The following GALNT17 variants were observed in gnomAD, a reference collection of about 807,000 sequenced individuals.
The protein encoded by GALNT17 is UDP-GalNAc:polypeptide N-acetylgalactosaminyltransferase-like 3.
A neutral mutation model predicts 63.7 loss-of-function variants in GALNT17; 29 were observed. The observed-to-expected ratio is 0.46, with a 90% CI of 0.34 to 0.62. GALNT17 has a LOEUF of 0.62. Among genes scored for constraint, GALNT17 ranks in the 20% least tolerant of loss-of-function variants. The pLI, the probability that GALNT17 is intolerant of heterozygous loss-of-function variation, is 0.01. For synonymous variants in GALNT17, 305 were observed against 318.3 expected (o/e 0.96, Z 0.45); for missense variants, 603 against 799.6 (o/e 0.75, Z 2.97).
chr7:71,520,954 T>A (rs1788520666), intron 5 of GALNT17, among the ~76,000 whole-genome samples: 1 of 152,256 alleles, frequency 6.6e-6, no homozygotes, highest in Middle Eastern at 3.4e-3. Context: ...TGTAGTAGAA[T>A]TTGATAAGGG....
chr7:71,321,035 G>T (rs919876744), intron 1 of GALNT17, among the ~76,000 whole-genome samples: 4 of 152,190 alleles, frequency 2.6e-5, no homozygotes, highest in African/African-American at 9.7e-5. Flanking sequence ...TAGTGGAGGA[G>T]AGAGAATTTT....
chr7:71,287,827 A>G (rs7789924), intron 1 of GALNT17, among the ~76,000 whole-genome samples: 144,137 of 152,034 alleles, frequency 0.95, 68,820 homozygotes, highest in East Asian at 1. Context: ...TGAGGCAGGC[A>G]GATCACCTGA....
At chr7:71,509,109 A>G (rs1289186656) in intron 5 of GALNT17, among the ~76,000 whole-genome samples, 1 of 152,242 alleles carries the variant, frequency 6.6e-6, no homozygotes, top group Non-Finnish European at 1.5e-5. Flanking sequence ...ATACACATTC[A>G]GTAGAATCCG....
At chr7:71,647,248 T>C (rs1477639043) in intron 6 of GALNT17, among the ~76,000 whole-genome samples, 1 of 151,334 alleles carries the variant, frequency 6.6e-6, no homozygotes, top group Non-Finnish European at 1.5e-5. Context: ...TTTGTATTTT[T>C]AGTAGAGATG....
chr7:71,645,046 T>C (rs6949744), intron 6 of GALNT17, among the ~76,000 whole-genome samples: 111,977 of 151,998 alleles, frequency 0.74, 41,398 homozygotes, highest in Middle Eastern at 0.85. Context: ...TTTTCAACCA[T>C]GGCAGGGTTG....
intron 1 of GALNT17, among the ~76,000 whole-genome samples, chr7:71,201,059 T>G (rs2116366200): frequency 6.6e-6 from 1 of 151,998 alleles, no homozygotes; most frequent in South Asian, 2.1e-4. Context: ...TTTTTCTTTG[T>G]TTTTCTAATT....
At position 71,181,267 on chromosome 7, in the gene GALNT17, A is replaced by T. The variant is rs558608402; in HGVS notation, c.238+48227A>T. On this transcript the variant is annotated intron_variant, in intron 1 of 10. Transcript: ENST00000333538. ...AAGACTCGTCTTAAAAAAAAAAAAA[A>T]AGTAATGGCTTAAAACCGCAATTAT... Among the ~76,000 whole-genome samples, 317 of 151,548 alleles carry T rather than the reference A, an allele frequency of 2.1e-3. 4 individuals are homozygous for T. The highest frequency in any genetic ancestry group is 7.3e-3 in the African/African-American group (299 of 41,046).
intron 1 of GALNT17, among the ~76,000 whole-genome samples, chr7:71,284,946 T>C (rs1047150305): frequency 1.3e-5 from 2 of 151,998 alleles, no homozygotes; most frequent in Non-Finnish European, 2.9e-5. Flanking sequence ...AGGACTCAAC[T>C]GGTGGGGTGG....
intron 6 of GALNT17, among the ~76,000 whole-genome samples, chr7:71,617,482 C>T (rs1278622091): frequency 6.6e-6 from 1 of 150,528 alleles, no homozygotes; most frequent in East Asian, 2.0e-4. Flanking sequence ...CCACCACTCC[C>T]AGCTAATTTT....
intron 3 of GALNT17, among the ~76,000 whole-genome samples, chr7:71,408,358 G>C (rs145424699): frequency 8.1e-4 from 124 of 152,350 alleles, no homozygotes; most frequent in African/African-American, 2.5e-3. Context: ...AACCTCAGCA[G>C]CTGCTGGTGG....
chr7:71,640,998 G>A (rs1011370661), intron 6 of GALNT17, among the ~76,000 whole-genome samples: 3 of 152,144 alleles, frequency 2.0e-5, no homozygotes, highest in Non-Finnish European at 4.4e-5. Context: ...CAGATTCTGA[G>A]GCCCCTCCCA....
intron 5 of GALNT17, among the ~76,000 whole-genome samples, chr7:71,465,079 G>A (rs1451083733): frequency 1.3e-5 from 2 of 152,190 alleles, no homozygotes; most frequent in Admixed American, 6.5e-5. Context: ...GAAGAGAAAA[G>A]GGGTTGAGAT....
chr7:71,666,493 T>C (rs1790987427), intron 7 of GALNT17, among the ~76,000 whole-genome samples: 1 of 151,990 alleles, frequency 6.6e-6, no homozygotes, highest in Non-Finnish European at 1.5e-5. Context: ...AAGATCCTGG[T>C]GCAACCGTCA....
chr7:71,678,072 T>C (rs1791179760), intron 9 of GALNT17, among the ~76,000 whole-genome samples: 1 of 152,154 alleles, frequency 6.6e-6, no homozygotes, highest in South Asian at 2.1e-4. Flanking sequence ...CAAAGCAACC[T>C]AGAACCCAGG....
At chr7:71,248,076 G>A (rs1420630559) in intron 1 of GALNT17, among the ~76,000 whole-genome samples, 2 of 152,108 alleles carry the variant, frequency 1.3e-5, no homozygotes, top group Non-Finnish European at 2.9e-5. Context: ...AAAGGAAAGA[G>A]GTTTAATTGA....
At chr7:71,184,287 A>T (rs1220450702) in intron 1 of GALNT17, among the ~76,000 whole-genome samples, 1 of 152,114 alleles carries the variant, frequency 6.6e-6, no homozygotes, top group Non-Finnish European at 1.5e-5. Flanking sequence ...GCATTACTCC[A>T]CGGCAGCCCT....
chr7:71,648,326 A>G (rs1191608324), intron 6 of GALNT17, among the ~76,000 whole-genome samples: 1 of 151,308 alleles, frequency 6.6e-6, no homozygotes, highest in Non-Finnish European at 1.5e-5. Context: ...GCTGGAGTAC[A>G]GTGGCTCAAT....
At chr7:71,333,188 A>G (rs1213709719) in intron 1 of GALNT17, among the ~76,000 whole-genome samples, 4 of 152,222 alleles carry the variant, frequency 2.6e-5, no homozygotes, top group Admixed American at 2.6e-4. Context: ...GAAAGCAACC[A>G]TGGATCTACT....
chr7:71,685,782 A>G (rs1791344209), intron 9 of GALNT17: 1 of 152,144 alleles, frequency 6.6e-6, no homozygotes, highest in African/African-American at 2.4e-5. Flanking sequence ...GCTGTGAATT[A>G]GGCCATATAG....
Sources: gnomAD v4.1 joint callset for allele counts (sites outside exome capture counted in the v4.1 genomes callset) on GRCh38, gnomAD v4.1.1 for gene constraint, MANE v1.5 for transcripts, NCBI Gene and HGNC (gene_info 2026-07-23, HGNC 2026-07-21) for gene names.